TMPRSS11F: variants seen among roughly 807,000 people sequenced by gnomAD.
TMPRSS11F encodes the protein transmembrane serine protease 11F.
A neutral mutation model predicts 60.2 loss-of-function variants in TMPRSS11F; 47 were observed. That is an observed-to-expected ratio of 0.78 (90% CI 0.62 to 1.00). TMPRSS11F has a LOEUF of 1.00. TMPRSS11F is among the 50% of genes least tolerant of loss of function. The probability of loss-of-function intolerance (pLI) is 0.00; values close to 1 mark genes in which losing one functional copy is unlikely to be tolerated. For missense variants in TMPRSS11F, 519 were observed against 522.9 expected (o/e 0.99, Z 0.07); for synonymous variants, 166 against 167.3 (o/e 0.99, Z 0.06).
chr4:68,067,182 A>G (rs1258895596), intron 7 of TMPRSS11F, among the ~76,000 whole-genome samples: 2 of 152,028 alleles, frequency 1.3e-5, no homozygotes, highest in Non-Finnish European at 2.9e-5. Flanking sequence ...TAACTTCACA[A>G]CTTCCCTCAA....
At chr4:68,070,094 G>A in intron 5 of TMPRSS11F, 87 bp from the exon 6 acceptor site, 3 of 1,099,370 alleles carry the variant, frequency 2.7e-6, no homozygotes, top group Non-Finnish European at 4.1e-6. Context: ...TAATAGAAAT[G>A]TGAATTATCT....
At chr4:68,099,200 C>T (rs1009109037) in intron 1 of TMPRSS11F, among the ~76,000 whole-genome samples, 162 bp from the exon 2 acceptor site, 6 of 152,264 alleles carry the variant, frequency 3.9e-5, no homozygotes, top group Middle Eastern at 6.8e-3. Flanking sequence ...TATCCTCCCC[C>T]GCAAAAACCC....
chr4:68,092,798 T>C (rs1723971290), intron 2 of TMPRSS11F, among the ~76,000 whole-genome samples: 1 of 152,150 alleles, frequency 6.6e-6, no homozygotes, highest in East Asian at 1.9e-4. Context: ...TATCCCTATA[T>C]TGTCTTTAAG....
rs549578428 is a variant in TMPRSS11F, at chr4:68,124,684, T to C, written c.11+5126A>G. The stretch of plus-strand genomic sequence containing the variant: ...GCAGTGCAAAGCAAATACAACAATC[T>C]GTCAGTGGGCATAAGAGTAGTAGAT... On this transcript the variant is annotated intron_variant, in intron 1 of 9. Transcript: ENST00000356291. Among the ~76,000 whole-genome samples, 14 of 152,324 alleles carry C rather than the reference T, an allele frequency of 9.2e-5. No individual in the cohort carries two copies. In the South Asian group the frequency reaches 2.1e-3, roughly 23 times the overall value.
chr4:68,114,754 C>T (rs1188888443), intron 1 of TMPRSS11F, among the ~76,000 whole-genome samples: 1 of 149,808 alleles, frequency 6.7e-6, no homozygotes, highest in African/African-American at 2.4e-5. Flanking sequence ...CCCCTCTAAA[C>T]AAGAAGTAAA....
chr4:68,060,336 T>A (rs1303332030), intron 8 of TMPRSS11F, among the ~76,000 whole-genome samples: 3 of 148,078 alleles, frequency 2.0e-5, no homozygotes, highest in African/African-American at 7.5e-5. Context: ...TGAAACCCTG[T>A]CTCTACTAAA....
At chr4:68,087,675 C>G (rs983433655) in intron 3 of TMPRSS11F, among the ~76,000 whole-genome samples, 1 of 150,104 alleles carries the variant, frequency 6.7e-6, no homozygotes, top group African/African-American at 2.5e-5. Flanking sequence ...TACAAAAAAT[C>G]AACATAAAAC....
intron 3 of TMPRSS11F, among the ~76,000 whole-genome samples, chr4:68,087,800 T>G (rs1452751702): frequency 6.6e-6 from 1 of 151,526 alleles, no homozygotes; most frequent in African/African-American, 2.4e-5. Flanking sequence ...ACATGTGCCA[T>G]GCTGGTGTGC....
chr4:68,103,753 T>C (rs12331077), intron 1 of TMPRSS11F, among the ~76,000 whole-genome samples: 2,186 of 152,286 alleles, frequency 0.014, 39 homozygotes, highest in African/African-American at 0.049. Context: ...TTGGCTAGTA[T>C]GGACATTTTA....
At chr4:68,128,021 A>G (rs1240820532) in intron 1 of TMPRSS11F, among the ~76,000 whole-genome samples, 1 of 152,148 alleles carries the variant, frequency 6.6e-6, no homozygotes, top group Admixed American at 6.5e-5. Context: ...GAGAAGTACC[A>G]GACAAAAGAG....
chr4:68,126,181 G>A (rs1215774327), intron 1 of TMPRSS11F, among the ~76,000 whole-genome samples: 1 of 152,016 alleles, frequency 6.6e-6, no homozygotes, highest in Non-Finnish European at 1.5e-5. Flanking sequence ...GTGTATGTGT[G>A]TATTTGTTTA....
Position 68,053,911 on chromosome 4 carries a change from A to G in TMPRSS11F, c.1315T>C (p.Ter439GlnextTer14). 6.2e-7 allele frequency: 1 copy of G among 1,613,180 alleles called. No individual in the cohort carries two copies. The highest frequency in any genetic ancestry group is 8.5e-7 in the Non-Finnish European group (1 of 1,179,270). Residue 439 changes from the stop codon to glutamine, a stop_lost, in exon 10 of 10, where the codon TAG becomes CAG. Transcript: ENST00000356291. ...GTATAACTCATGGGCAATCCACACTACATACCAGTCTTTGAGGCAATCCAA... is the reference window on the plus strand; with the variant it reads ...GTATAACTCATGGGCAATCCACACTGCATACCAGTCTTTGAGGCAATCCAA... The part of the protein sequence containing the change: ...RDWIASKTGM[*>Q]
At chr4:68,091,334 G>T (rs546247552) in intron 2 of TMPRSS11F, among the ~76,000 whole-genome samples, 2 of 151,974 alleles carry the variant, frequency 1.3e-5, no homozygotes, top group Non-Finnish European at 2.9e-5. Context: ...ACCTTGGTGA[G>T]CTCTTTATTT....
At chr4:68,125,067 A>G (rs1724691274) in intron 1 of TMPRSS11F, among the ~76,000 whole-genome samples, 1 of 151,514 alleles carries the variant, frequency 6.6e-6, no homozygotes, top group Non-Finnish European at 1.5e-5. Flanking sequence ...TCTACAAAAA[A>G]TAAAACAAGA....
chr4:68,109,723 C>T (rs1191387281), intron 1 of TMPRSS11F, among the ~76,000 whole-genome samples: 1 of 152,150 alleles, frequency 6.6e-6, no homozygotes, highest in Non-Finnish European at 1.5e-5. Context: ...CCTTTAATAA[C>T]ATATGACCAG....
intron 2 of TMPRSS11F, among the ~76,000 whole-genome samples, chr4:68,098,150 C>T (rs988960714): frequency 1.3e-5 from 2 of 151,962 alleles, no homozygotes; most frequent in African/African-American, 2.4e-5. Context: ...ACTAAAAATA[C>T]AAAAATTAAC....
chr4:68,068,744 C>T lies in TMPRSS11F; in HGVS notation c.629G>A (p.Arg210Lys), dbSNP rs146652094. 2.5e-3 allele frequency: 4,020 copies of T among 1,614,230 alleles called. 21 individuals carry two copies. Among genetic ancestry groups the T allele is most frequent in the South Asian group, 0.012 (1,064 of 91,086 alleles). The stretch of plus-strand genomic sequence containing the variant: ...CCATTCCCCTTCCATAGCTGTTTCC[C>T]TTCCTTGGACAATTCTTTGAGTAGA... The part of the protein sequence containing the change: ...SSSTQRIVQG[R>K]ETAMEGEWPW... Residue 210 changes from arginine to lysine, a missense_variant, in exon 7 of 10, where the codon AGG becomes AAG. Coordinates refer to ENST00000356291, the MANE Select transcript of TMPRSS11F (RefSeq NM_207407.2).
intron 9 of TMPRSS11F, among the ~76,000 whole-genome samples, chr4:68,056,891 T>A (rs1435678080): frequency 6.6e-6 from 1 of 152,216 alleles, no homozygotes; most frequent in Non-Finnish European, 1.5e-5. Context: ...CATATATTTA[T>A]GGTCAATTGA....
At chr4:68,114,336 GA>G (rs1724469299) in intron 1 of TMPRSS11F, among the ~76,000 whole-genome samples, 1 of 151,684 alleles carries the variant, frequency 6.6e-6, no homozygotes, top group East Asian at 1.9e-4. Context: ...GAATTATTTA[GA>G]AAAAAAGAAG....
Sources: allele counts gnomAD v4.1 joint callset (sites outside exome capture counted in the v4.1 genomes callset), GRCh38; gene constraint gnomAD v4.1.1; transcripts MANE v1.5; gene names NCBI Gene and HGNC (gene_info 2026-07-23, HGNC 2026-07-21).